Variants in CCDC73 observed in about 807,000 individuals in gnomAD.
CCDC73 encodes coiled-coil domain-containing protein 73.
CCDC73 carries 95 observed loss-of-function variants against 116.5 expected under a neutral mutation model. The observed-to-expected ratio is 0.82, with a 90% confidence interval of 0.69 to 0.97. CCDC73 has a LOEUF of 0.97. CCDC73 is among the 50% of genes least tolerant of loss of function. The pLI is 0.00. For missense variants in CCDC73, 1,066 were observed against 1,206.8 expected (o/e 0.88, Z 1.73); for synonymous variants, 398 against 401.3 (o/e 0.99, Z 0.10).
chr11:32,675,694 A>G (rs773000893), intron 8 of CCDC73, 50 bp from the exon 9 acceptor site: 1 of 1,411,004 alleles, frequency 7.1e-7, no homozygotes, highest in Non-Finnish European at 9.8e-7. Flanking sequence ...TGTATATTTC[A>G]AAGAAAGTAT....
chr11:32,692,225 G>A (rs1030750569), intron 6 of CCDC73, among the ~76,000 whole-genome samples: 4 of 151,840 alleles, frequency 2.6e-5, no homozygotes. Context: ...TGGATATCTA[G>A]CTGTTCCTGC....
chr11:32,773,814 G>T (rs921775179), intron 1 of CCDC73, among the ~76,000 whole-genome samples: 3 of 151,154 alleles, frequency 2.0e-5, no homozygotes, highest in Non-Finnish European at 4.4e-5. Flanking sequence ...ACTGAGGGAG[G>T]GCTTATTGAT....
chr11:32,633,700 C>T (rs1565062298), intron 14 of CCDC73, among the ~76,000 whole-genome samples: 1 of 152,208 alleles, frequency 6.6e-6, no homozygotes, highest in African/African-American at 2.4e-5. Flanking sequence ...ACCAGGGAAG[C>T]TCATTAGAGA....
intron 12 of CCDC73, among the ~76,000 whole-genome samples, chr11:32,650,386 G>T (rs1471283490): frequency 6.6e-6 from 1 of 152,072 alleles, no homozygotes; most frequent in Non-Finnish European, 1.5e-5. Context: ...TGGATTAGAT[G>T]ATCTTTAATA....
At chr11:32,808,571 A>C in the CCDC73 span, among the ~76,000 whole-genome samples, 1 of 152,088 alleles carries the variant, frequency 6.6e-6, no homozygotes, top group South Asian at 2.1e-4. Flanking sequence ...CCTGGGAGGC[A>C]GAGGTTGCAG....
In CCDC73 at chr11:32,735,865, A is replaced by G. The variant is rs559065146; in HGVS notation, c.136-17718T>C. On this transcript the variant is annotated intron_variant, in intron 2 of 17. Transcript: ENST00000335185. ...CTCAGAAATAATACCACACATCTAC[A>G]ACCATCTGATCTTTGACAAACCTGA... Among the ~76,000 whole-genome samples the G allele has an allele frequency of 3.9e-4, 60 of 152,228 alleles. No individual in the cohort carries two copies. The East Asian group carries it at 4.1e-3, about 10-fold the overall frequency.
chr11:32,741,450 C>A (rs1565090254), intron 2 of CCDC73, among the ~76,000 whole-genome samples: 1 of 151,960 alleles, frequency 6.6e-6, no homozygotes, highest in Admixed American at 6.6e-5. Context: ...AAAACACCTT[C>A]TTTGTTTTCT....
intron 1 of CCDC73, among the ~76,000 whole-genome samples, chr11:32,763,128 G>A (rs930588549): frequency 2.6e-5 from 4 of 152,224 alleles, no homozygotes; most frequent in East Asian, 1.9e-4. Context: ...GCCCACCGTC[G>A]CTCAAGGAGG....
chr11:32,790,036 T>C (rs530794359), intron 1 of CCDC73, among the ~76,000 whole-genome samples: 2 of 152,184 alleles, frequency 1.3e-5, no homozygotes, highest in Non-Finnish European at 2.9e-5. Flanking sequence ...AAGGCAGAGA[T>C]GGAAGAAACA....
chr11:32,763,116 G>C (rs1850407088), intron 1 of CCDC73, among the ~76,000 whole-genome samples: 1 of 152,214 alleles, frequency 6.6e-6, no homozygotes, highest in Non-Finnish European at 1.5e-5. Context: ...AAACTGGGTG[G>C]AGCCCACCGT....
intron 13 of CCDC73, among the ~76,000 whole-genome samples, chr11:32,640,865 A>C (rs1855725732): frequency 6.6e-6 from 1 of 151,996 alleles, no homozygotes; most frequent in African/African-American, 2.4e-5. Flanking sequence ...AAAATACAAA[A>C]AATTAGCCGG....
intron 17 of CCDC73, chr11:32,603,963 G>A (rs201894): frequency 0.73 from 110,889 of 152,080 alleles, 41,309 homozygotes; most frequent in African/African-American, 0.78. Flanking sequence ...GCTCCTCGGA[G>A]GGCTGAGGTG....
the CCDC73 span, among the ~76,000 whole-genome samples, chr11:32,811,958 T>C: frequency 1.3e-3 from 195 of 152,300 alleles, 2 homozygotes; most frequent in African/African-American, 4.5e-3. Flanking sequence ...CCTTTTTTTT[T>C]TTCTTTTTTG....
chr11:32,687,319 G>C (rs1856210826), intron 6 of CCDC73, among the ~76,000 whole-genome samples: 1 of 152,124 alleles, frequency 6.6e-6, no homozygotes, highest in South Asian at 2.1e-4. Context: ...TGGGGAGTCA[G>C]AAACTAAGTA....
intron 9 of CCDC73, among the ~76,000 whole-genome samples, chr11:32,674,610 C>T (rs1370667822): frequency 6.6e-6 from 1 of 151,784 alleles, no homozygotes. Flanking sequence ...TATGTCATAC[C>T]AATCTGGCAT....
intron 13 of CCDC73, among the ~76,000 whole-genome samples, chr11:32,639,054 A>G (rs1855707416): frequency 6.6e-6 from 1 of 151,364 alleles, no homozygotes; most frequent in Admixed American, 6.6e-5. Flanking sequence ...AGGCTGAGGC[A>G]GGAGAATTGC....
intron 2 of CCDC73, among the ~76,000 whole-genome samples, chr11:32,736,409 A>T (rs1850129514): frequency 6.6e-6 from 1 of 152,176 alleles, no homozygotes; most frequent in African/African-American, 2.4e-5. Context: ...CACATGAAAA[A>T]ATGCTCATCA....
At chr11:32,779,262 GCAAAAAA>G (rs1850562027) in intron 1 of CCDC73, among the ~76,000 whole-genome samples, 1 of 67,564 alleles carries the variant, frequency 1.5e-5, no homozygotes, top group African/African-American at 5.5e-5. Context: ...TTCATGTGGG[GCAAAAAA>G]AAAAAAAAAA....
Position 32,613,956 on chromosome 11 carries a change from G to C in CCDC73, c.2362C>G (p.Gln788Glu). Reference protein sequence around the residue: ...HLNNENSHASQAKDVKTAVHM... With the variant: ...HLNNENSHASEAKDVKTAVHM... The stretch of plus-strand genomic sequence containing the variant: ...ACAGCAGTTTTCACATCTTTGGCTT[G>C]TGAAGCATGACTATTCTCATTGTTA... Residue 788 changes from glutamine to glutamate, a missense_variant, in exon 16 of 18, where the codon CAA (glutamine) becomes GAA (glutamate). By Grantham distance (29) the Gln-to-Glu change is conservative. Transcript: ENST00000335185. 1.2e-6 allele frequency: 2 copies of C among 1,611,018 alleles called. No individual in the cohort carries two copies. Among genetic ancestry groups the C allele is most frequent in the Non-Finnish European group, 1.7e-6 (2 of 1,179,888 alleles).
Sources: allele counts gnomAD v4.1 joint callset (sites outside exome capture counted in the v4.1 genomes callset), GRCh38; gene constraint gnomAD v4.1.1; transcripts MANE v1.5; gene names NCBI Gene and HGNC (gene_info 2026-07-23, HGNC 2026-07-21).